Variants in HM13 observed in about 807,000 individuals in gnomAD.
HM13 encodes histocompatibility minor 13.
In HM13, 18 loss-of-function variants were observed where a neutral mutation model predicts 50.0. That is an observed-to-expected ratio of 0.36 (90% CI 0.25 to 0.53). The LOEUF is 0.53. Ranked by LOEUF, HM13 falls within the 20% of genes least tolerant of loss-of-function variation. The pLI is 0.90. For missense variants in HM13, 393 were observed against 552.4 expected (o/e 0.71, Z 2.89); for synonymous variants, 197 against 232.6 (o/e 0.85, Z 1.39).
At chr20:31,522,138 A>G (rs1982201237) in intron 1 of HM13, among the ~76,000 whole-genome samples, 1 of 152,178 alleles carries the variant, frequency 6.6e-6, no homozygotes, top group African/African-American at 2.4e-5. Context: ...ATTGAAAGGA[A>G]TATGTGGAAA....
At chr20:31,558,269 C>T (rs564688396) in intron 8 of HM13, among the ~76,000 whole-genome samples, 17 of 152,146 alleles carry the variant, frequency 1.1e-4, no homozygotes, top group Non-Finnish European at 1.9e-4. Context: ...TCCTGTGGAG[C>T]CTTCAAATAG....
At chr20:31,548,943 AGCCAT>A (rs750271026) in intron 4 of HM13, 81 bp from the exon 5 acceptor site, 2 of 1,169,494 alleles carry the variant, frequency 1.7e-6, no homozygotes, top group South Asian at 2.4e-5. Flanking sequence ...CAGTGCCCAC[AGCCAT>A]GCCCTCCTCC....
At chr20:31,568,755 G>C (rs955479899) in intron 12 of HM13, among the ~76,000 whole-genome samples, 22 of 152,312 alleles carry the variant, frequency 1.4e-4, no homozygotes, top group African/African-American at 5.1e-4. Context: ...TGCCCTGGGA[G>C]GCAGCCTATC....
intron 2 of HM13, 41 bp downstream of exon 2, chr20:31,527,623 A>G (rs1449124169): frequency 1.5e-6 from 2 of 1,330,788 alleles, no homozygotes; most frequent in East Asian, 4.6e-5. Flanking sequence ...GATCTAAATG[A>G]CTTTATCTTA....
At chr20:31,567,935 T>G in intron 11 of HM13, 143 bp from the exon 12 acceptor site, 2 of 703,642 alleles carry the variant, frequency 2.8e-6, no homozygotes, top group Non-Finnish European at 4.6e-6. Flanking sequence ...AATATCAGCT[T>G]CTTTCCATAA....
intron 8 of HM13, among the ~76,000 whole-genome samples, 197 bp downstream of exon 8, chr20:31,555,026 G>C (rs1028182460): frequency 1.3e-5 from 2 of 152,230 alleles, no homozygotes; most frequent in Admixed American, 1.3e-4. Context: ...CCCAAGCTGG[G>C]TCCTGGTCAG....
At chr20:31,559,503 T>G in intron 8 of HM13, 108 bp from the exon 9 acceptor site, 1 of 1,079,896 alleles carries the variant, frequency 9.3e-7, no homozygotes, top group Non-Finnish European at 1.4e-6. Flanking sequence ...TGGTCTCCAA[T>G]GATTGCTCCA....
rs1985056543 is a variant in HM13, at chr20:31,568,407, A to G, written c.1181+183A>G. 5 of 827,880 alleles carry G rather than the reference A, an allele frequency of 6.0e-6. No individual in the cohort carries two copies. The South Asian group carries it at 1.0e-4, about 17-fold the overall frequency. The allele number at this position is 827,880 out of a possible 1,614,324, so 51.3% of individuals were successfully genotyped here. On this transcript the variant is annotated intron_variant, in intron 12 of 12. Coordinates refer to ENST00000398174, the MANE Select transcript of HM13 (RefSeq NM_178581.3). ...AGCCATAGGGCTGGGAAGCAGGACA[A>G]CCCCGAAGCTTCCTGCCCTCACCAG...
chr20:31,552,262 C>G (rs1325383093), intron 7 of HM13, among the ~76,000 whole-genome samples: 1 of 152,026 alleles, frequency 6.6e-6, no homozygotes, highest in Non-Finnish European at 1.5e-5. Context: ...GCAATATGGG[C>G]ATTTGAAAGA....
At chr20:31,567,136 C>T (rs929433782) in intron 11 of HM13, among the ~76,000 whole-genome samples, 2 of 152,168 alleles carry the variant, frequency 1.3e-5, no homozygotes, top group East Asian at 1.9e-4. Flanking sequence ...CCCAGCCCCC[C>T]GCCTGCCTGC....
At chr20:31,543,929 A>G (rs577636038) in intron 3 of HM13, among the ~76,000 whole-genome samples, 4 of 151,592 alleles carry the variant, frequency 2.6e-5, no homozygotes, top group Non-Finnish European at 4.4e-5. Flanking sequence ...GTGAGACTCC[A>G]TCTCAAAAAA....
Position 31,569,110 on chromosome 20 carries a change from T to C in HM13, c.1182-10T>C. On this transcript the variant is annotated splice_polypyrimidine_tract_variant and intron_variant, in intron 12 of 12. Coordinates refer to ENST00000398174, the MANE Select transcript of HM13 (RefSeq NM_178581.3). The stretch of plus-strand genomic sequence containing the variant: ...TGAATTTTTATTGTTGTTTTTTTTT[T>C]TTTGGTCAGTTATGAGGAGTCAAAT... 6.6e-7 allele frequency: 1 copy of C among 1,513,992 alleles called. No homozygotes were observed. The highest frequency in any genetic ancestry group is 1.9e-4 in the Middle Eastern group (1 of 5,290). 93.8% of individuals were successfully genotyped at this position (1,513,992 alleles called of 1,614,324 possible).
At chr20:31,550,400 G>C (rs1233291448) in intron 7 of HM13, 1 of 428,200 alleles carries the variant, frequency 2.3e-6, no homozygotes, top group African/African-American at 2.0e-5. Flanking sequence ...AGCCCGGGGG[G>C]CACGCGCAGG....
chr20:31,518,749 T>G (rs1376570961), intron 1 of HM13, among the ~76,000 whole-genome samples: 3 of 152,064 alleles, frequency 2.0e-5, no homozygotes, highest in Non-Finnish European at 4.4e-5. Context: ...TCCTAGCTAC[T>G]CTGGAGGTTG....
At chr20:31,532,765 A>AT (rs1187419999) in intron 2 of HM13, among the ~76,000 whole-genome samples, 1 of 152,190 alleles carries the variant, frequency 6.6e-6, no homozygotes, top group East Asian at 1.9e-4. Context: ...CTCTGTGTAC[A>AT]TCCAGCCATT....
At chr20:31,538,713 G>T in intron 3 of HM13, 1 of 946,188 alleles carries the variant, frequency 1.1e-6, no homozygotes, top group South Asian at 5.0e-5. Flanking sequence ...CTTACTTTGA[G>T]TCCAGACTCT....
intron 2 of HM13, 95 bp downstream of exon 2, chr20:31,527,677 T>C (rs1982578423): frequency 1.2e-6 from 1 of 864,958 alleles, no homozygotes; most frequent in African/African-American, 1.7e-5. Flanking sequence ...CATGTTCATT[T>C]ATAGAAAATA....
chr20:31,556,021 A>T lies in HM13; in HGVS notation c.808+1192A>T, dbSNP rs1050109105. Among the ~76,000 whole-genome samples the T allele has an allele frequency of 4.7e-5, 7 of 149,448 alleles. No homozygotes were observed. In the East Asian group the frequency reaches 5.8e-4, roughly 12 times the overall value. ...AATTGTGAGACCATATATATATATA[A>T]AATTATTATTTCTCCTTTTTTTTTT... On this transcript the variant is annotated intron_variant, in intron 8 of 12. Coordinates refer to ENST00000398174, the MANE Select transcript of HM13 (RefSeq NM_178581.3).
Position 31,523,043 on chromosome 20 carries a change from T to TGGGG in HM13, c.184-4438_184-4437insGGGG, listed in dbSNP as rs112544862. 9.5e-4 allele frequency among the ~76,000 whole-genome samples: 128 copies of TGGGG among 135,066 alleles called. 3 individuals are homozygous for TGGGG. Among genetic ancestry groups the TGGGG allele is most frequent in the African/African-American group, 3.8e-3 (118 of 30,840 alleles). 88.6% of individuals were successfully genotyped at this position (135,066 alleles called of 152,430 possible). A position where few individuals can be genotyped will look rare whatever the true frequency, so the allele number is the denominator to read the frequency against. ...ATAATAGCCTGTTTGGGGTTTTTTT[T>TGGGG]GGGAGGGGGGCTTTTTTTTTTTTAT... On this transcript the variant is annotated intron_variant, in intron 1 of 12. Transcript: ENST00000398174.
Sources: gnomAD v4.1 joint callset for allele counts (sites outside exome capture counted in the v4.1 genomes callset) on GRCh38, gnomAD v4.1.1 for gene constraint, MANE v1.5 for transcripts, NCBI Gene and HGNC (gene_info 2026-07-23, HGNC 2026-07-21) for gene names.